ADGB: variants seen among roughly 807,000 people sequenced by gnomAD.
ADGB encodes androglobin, also known as calpain-7-like protein.
A neutral mutation model predicts 210.5 loss-of-function variants in ADGB; 172 were observed. The ratio of observed to expected loss-of-function variants is 0.82; its 90% CI spans 0.72 to 0.93. The LOEUF (loss-of-function observed/expected upper bound fraction) is 0.93, where lower values mean the gene tolerates loss of function less well. ADGB is among the 40% of genes least tolerant of loss of function. The pLI, the probability that ADGB is intolerant of heterozygous loss-of-function variation, is 0.00. For synonymous variants in ADGB, 658 were observed against 662.7 expected (o/e 0.99, Z 0.11); for missense variants, 2,025 against 1,964.8 (o/e 1.03, Z -0.58).
At chr6:146,756,340 G>A (rs73583024) in intron 27 of ADGB, among the ~76,000 whole-genome samples, 2 of 152,058 alleles carry the variant, frequency 1.3e-5, no homozygotes, top group African/African-American at 4.8e-5. Flanking sequence ...CTACTTCTGA[G>A]TATTGTTTCC....
At chr6:146,785,338 G>T (rs1009136382) in intron 31 of ADGB, among the ~76,000 whole-genome samples, 7 of 152,088 alleles carry the variant, frequency 4.6e-5, no homozygotes, top group African/African-American at 1.7e-4. Context: ...AAAAGATTCA[G>T]GAACCACTGC....
At chr6:146,688,611 C>T (rs1043797204) in intron 10 of ADGB, among the ~76,000 whole-genome samples, 2 of 152,058 alleles carry the variant, frequency 1.3e-5, no homozygotes, top group East Asian at 1.9e-4. Context: ...GCTTAAGGTG[C>T]CCAGAGGTTC....
intron 8 of ADGB, among the ~76,000 whole-genome samples, chr6:146,673,897 A>G (rs984767112): frequency 6.6e-6 from 1 of 152,132 alleles, no homozygotes; most frequent in African/African-American, 2.4e-5. Flanking sequence ...TTTACCAAGG[A>G]GACAGTATAG....
chr6:146,783,211 G>A (rs149058337), intron 30 of ADGB, among the ~76,000 whole-genome samples: 27 of 152,254 alleles, frequency 1.8e-4, no homozygotes, highest in Non-Finnish European at 3.8e-4. Flanking sequence ...GAACAAGAAG[G>A]AACAAAGTAT....
intron 13 of ADGB, among the ~76,000 whole-genome samples, chr6:146,711,021 G>A (rs1331260744): frequency 2.0e-5 from 3 of 152,060 alleles, no homozygotes; most frequent in Non-Finnish European, 4.4e-5. Flanking sequence ...TAATTTAGAC[G>A]TTATCTCTTG....
At chr6:146,787,352 C>G (rs1777887482) in intron 32 of ADGB, among the ~76,000 whole-genome samples, 1 of 152,154 alleles carries the variant, frequency 6.6e-6, no homozygotes. Context: ...AGTTGACCCC[C>G]ATCACCATCA....
At chr6:146,704,584 T>C (rs1216506188) in intron 13 of ADGB, among the ~76,000 whole-genome samples, 1 of 152,020 alleles carries the variant, frequency 6.6e-6, no homozygotes, top group Non-Finnish European at 1.5e-5. Context: ...TGTGTTCTTG[T>C]CAATCTTTTT....
intron 29 of ADGB, among the ~76,000 whole-genome samples, chr6:146,774,219 T>A (rs1777691732): frequency 2.0e-5 from 3 of 152,132 alleles, no homozygotes; most frequent in Non-Finnish European, 4.4e-5. Flanking sequence ...AAGATTCTAG[T>A]GGAAAACTAG....
chr6:146,745,701 C>A (rs1777221235), intron 25 of ADGB, among the ~76,000 whole-genome samples: 1 of 152,068 alleles, frequency 6.6e-6, no homozygotes, highest in Non-Finnish European at 1.5e-5. Flanking sequence ...AGGAACCACA[C>A]AAAGGAAAAT....
chr6:146,772,020 G>A lies in ADGB; in HGVS notation c.3862+2889G>A, dbSNP rs145077989. Among the ~76,000 whole-genome samples the A allele has an allele frequency of 1.2e-4, 19 of 152,164 alleles. No homozygotes were observed. The East Asian group carries it at 2.1e-3, about 17-fold the overall frequency. Reference sequence around the variant, plus strand: ...ATTCTGATTTCTGTATTATAATAGCGTGTTATACCTGTCTCAATAAGCTCA... The same window carrying A: ...ATTCTGATTTCTGTATTATAATAGCATGTTATACCTGTCTCAATAAGCTCA... On this transcript the variant is annotated intron_variant, in intron 29 of 35. Coordinates refer to ENST00000397944, the MANE Select transcript of ADGB (RefSeq NM_024694.4).
chr6:146,668,494 CA>C (rs1313995433), intron 7 of ADGB, among the ~76,000 whole-genome samples: 1 of 152,088 alleles, frequency 6.6e-6, no homozygotes, highest in Non-Finnish European at 1.5e-5. Context: ...GCCAAGATAG[CA>C]CTCTTTTATA....
At chr6:146,725,005 G>C (rs1776873545) in intron 18 of ADGB, 1 of 152,104 alleles carries the variant, frequency 6.6e-6, no homozygotes, top group African/African-American at 2.4e-5. Context: ...CTAATTCTAT[G>C]TGATCAATGA....
intron 1 of ADGB, among the ~76,000 whole-genome samples, chr6:146,626,197 A>G (rs1345911940): frequency 6.6e-6 from 1 of 152,018 alleles, no homozygotes; most frequent in Admixed American, 6.6e-5. Context: ...TAGTATACTT[A>G]TCAACTCCAA....
At chr6:146,680,943 G>A (rs1193508691) in intron 9 of ADGB, among the ~76,000 whole-genome samples, 2 of 152,130 alleles carry the variant, frequency 1.3e-5, no homozygotes, top group Admixed American at 6.6e-5. Context: ...GAATTCTAAA[G>A]TTCTATACCA....
chr6:146,700,680 A>T (rs1776477461), intron 12 of ADGB, among the ~76,000 whole-genome samples: 1 of 152,142 alleles, frequency 6.6e-6, no homozygotes, highest in South Asian at 2.1e-4. Flanking sequence ...AAATTCAAAG[A>T]TGACCACCAA....
At chr6:146,720,190 A>C (rs531548364) in intron 16 of ADGB, among the ~76,000 whole-genome samples, 1 of 152,170 alleles carries the variant, frequency 6.6e-6, no homozygotes, top group Non-Finnish European at 1.5e-5. Flanking sequence ...TTGAAAGGCA[A>C]TAATAATGCA....
intron 9 of ADGB, among the ~76,000 whole-genome samples, chr6:146,683,034 G>A (rs1039073208): frequency 6.6e-6 from 1 of 152,006 alleles, no homozygotes; most frequent in Non-Finnish European, 1.5e-5. Context: ...CATTATCATG[G>A]GAGTGGTTAG....
intron 25 of ADGB, among the ~76,000 whole-genome samples, 157 bp downstream of exon 25, chr6:146,741,428 T>C (rs1777162407): frequency 6.6e-6 from 1 of 152,122 alleles, no homozygotes; most frequent in Non-Finnish European, 1.5e-5. Context: ...TATTTAACAG[T>C]AGGAGATATT....
At chr6:146,788,637 A>C in intron 33 of ADGB, 27 bp downstream of exon 33, 3 of 1,531,270 alleles carry the variant, frequency 2.0e-6, no homozygotes, top group Non-Finnish European at 2.7e-6. Context: ...TTGGTAACAT[A>C]AACATGTATT....
Sources: allele counts gnomAD v4.1 joint callset (sites outside exome capture counted in the v4.1 genomes callset), GRCh38; gene constraint gnomAD v4.1.1; transcripts MANE v1.5; gene names NCBI Gene and HGNC (gene_info 2026-07-23, HGNC 2026-07-21).